The following PARP9 variants were observed in gnomAD, a reference collection of about 807,000 sequenced individuals.
PARP9 encodes poly(ADP-ribose) polymerase family member 9.
In PARP9, 48 loss-of-function variants were observed where a neutral mutation model predicts 68.8. The ratio of observed to expected loss-of-function variants is 0.70; its 90% CI spans 0.55 to 0.89. PARP9 has a LOEUF of 0.89. Among genes scored for constraint, PARP9 ranks in the 40% least tolerant of loss-of-function variants. PARP9 has a pLI of 0.00. For missense variants in PARP9, 806 were observed against 969.3 expected, an observed-to-expected ratio of 0.83 and a Z score of 2.24; for synonymous variants, 309 against 333.8, an observed-to-expected ratio of 0.93 and a Z score of 0.81.
Position 122,555,723 on chromosome 3 carries a change from C to G in PARP9, c.448G>C (p.Ala150Pro). Reference protein sequence around the residue: ...VSAGEIAVTGAGRLPCKQIIH... With the variant: ...VSAGEIAVTGPGRLPCKQIIH... ...ATCTGTTTGCAGGGAAGCCTCCCTG[C>G]TCCCGTGACAGCTATCTCACCAGCT... Residue 150 changes from alanine (A) to proline (P), a missense_variant, in exon 4 of 11, where the codon GCA (alanine) becomes CCA (proline). Physicochemically the swap from Ala to Pro is conservative, Grantham distance 27. Coordinates refer to ENST00000682323, the MANE Select transcript of PARP9 (RefSeq NM_001146105.2). 2 of 1,614,036 alleles carry G rather than the reference C, an allele frequency of 1.2e-6. No homozygotes were observed. The highest frequency in any genetic ancestry group is 1.7e-6 in the Non-Finnish European group (2 of 1,179,994).
intron 10 of PARP9, chr3:122,535,548 T>G: frequency 1.0e-6 from 1 of 985,362 alleles, no homozygotes; most frequent in Non-Finnish European, 1.2e-6. Flanking sequence ...GCCAGAAATC[T>G]TCATTAGTGA....
intron 2 of PARP9, among the ~76,000 whole-genome samples, chr3:122,559,333 T>A (rs1201281762): frequency 1.3e-5 from 2 of 152,224 alleles, no homozygotes; most frequent in African/African-American, 4.8e-5. Context: ...TTACTCTCCT[T>A]ACCCCAACCC....
At position 122,555,945 on chromosome 3, in the gene PARP9, T is replaced by C. The variant is rs139882806; in HGVS notation, c.226A>G (p.Arg76Gly). The C allele has an allele frequency of 5.0e-4, 799 of 1,613,994 alleles. No homozygotes were observed. The highest frequency in any genetic ancestry group is 3.3e-3 in the Middle Eastern group (20 of 6,062). ...TCTATCCTAGGAGTCAGCATTTTTCTGAACACTTGCAGAGATTTGCTGTTG... is the reference window on the plus strand; with the variant it reads ...TCTATCCTAGGAGTCAGCATTTTTCCGAACACTTGCAGAGATTTGCTGTTG... Reference protein sequence around the residue: ...EGNSKSLQVFRKMLTPRIELS... With the variant: ...EGNSKSLQVFGKMLTPRIELS... Residue 76 changes from arginine to glycine, a missense_variant, in exon 4 of 11, where the codon AGA (arginine) becomes GGA (glycine). This residue lies in a region of PARP9 where 126 missense variants were observed against 110.5 expected (regional missense o/e 1.14). Transcript: ENST00000682323.
intron 10 of PARP9, among the ~76,000 whole-genome samples, chr3:122,529,958 A>G (rs1364090403): frequency 6.6e-6 from 1 of 152,072 alleles, no homozygotes; most frequent in Admixed American, 6.6e-5. Context: ...TGGGAGGCCA[A>G]AGTGGGTGGA....
rs2078149679 is a variant in PARP9, at chr3:122,540,846, T to A, written c.1391A>T (p.Gln464Leu). Residue 464 changes from glutamine to leucine, a missense_variant, in exon 8 of 11, where the codon CAG becomes CTG. Physicochemically the swap from Gln to Leu is moderately radical, Grantham distance 113. Coordinates refer to ENST00000682323, the MANE Select transcript of PARP9 (RefSeq NM_001146105.2). Reference sequence around the variant, plus strand: ...TTCTCTTTTCTCCTCTCTGGTTGACTGGGGGACTGAAATGACTATAATAAG... The same window carrying A: ...TTCTCTTTTCTCCTCTCTGGTTGACAGGGGGACTGAAATGACTATAATAAG... Reference protein sequence around the residue: ...MLSLNNYSVPQSTREEKRENG... With the variant: ...MLSLNNYSVPLSTREEKRENG... 6.2e-7 allele frequency: 1 copy of A among 1,611,610 alleles called. No individual in the cohort carries two copies. Among genetic ancestry groups the A allele is most frequent in the Admixed American group, 1.7e-5 (1 of 59,706 alleles).
In PARP9 at chr3:122,545,431, C is replaced by T. The variant is rs752430394; in HGVS notation, c.1384+1G>A. 2 of 1,614,180 alleles carry T rather than the reference C, an allele frequency of 1.2e-6. No homozygotes were observed. The highest frequency in any genetic ancestry group is 1.7e-5 in the Admixed American group (1 of 60,028). ...TATTGGCCTGTGAATTTCTTACTCA[C>T]CACTGTAATTGTTCAAACTCAGCAT... On this transcript the variant is annotated splice_donor_variant, in intron 7 of 10. Transcript: ENST00000682323. LOFTEE classifies it high-confidence loss of function.
At position 122,540,714 on chromosome 3, in the gene PARP9, T is replaced by C; in HGVS notation, c.1523A>G (p.His508Arg). ...WIQRILSLQN[H>R]HIIENNHILY... Reference sequence around the variant, plus strand: ...AATATGATTATTCTCAATGATGTGGTGGTTCTGGAGACTCAGGATTCTTTG... The same window carrying C: ...AATATGATTATTCTCAATGATGTGGCGGTTCTGGAGACTCAGGATTCTTTG... The change falls in exon 8 of 11, where the codon CAC becomes CGC. Residue 508 changes from histidine (H) to arginine (R), a missense_variant. Physicochemically the swap from His to Arg is conservative, Grantham distance 29 (BLOSUM62 0). This residue lies in a region of PARP9 where 680 missense variants were observed against 858.8 expected (regional missense o/e 0.79). Coordinates refer to ENST00000682323, the MANE Select transcript of PARP9 (RefSeq NM_001146105.2). 1 of 1,614,160 alleles carries C rather than the reference T, an allele frequency of 6.2e-7. No homozygotes were observed. The highest frequency in any genetic ancestry group is 8.5e-7 in the Non-Finnish European group (1 of 1,180,042).
chr3:122,539,506 C>CCTTTCTTTCTTTCTTTCTTT (rs1559818279), intron 8 of PARP9, among the ~76,000 whole-genome samples: 13 of 125,906 alleles, frequency 1.0e-4, no homozygotes, highest in African/African-American at 3.9e-4. Flanking sequence ...CCCAAGATGG[C>CCTTTCTTTCTTTCTTTCTTT]ATTTCTTTCT....
At chr3:122,532,471 A>G in intron 10 of PARP9, 1 of 961,076 alleles carries the variant, frequency 1.0e-6, no homozygotes, top group Non-Finnish European at 1.2e-6. Flanking sequence ...TCTTGAAGGG[A>G]CTATGAAAAC....
chr3:122,536,651 C>T, intron 9 of PARP9: 1 of 539,902 alleles, frequency 1.9e-6, no homozygotes, highest in Non-Finnish European at 3.2e-6. Context: ...AATTATAACA[C>T]AGTGTGATAA....
At chr3:122,548,999 T>G (rs557145866) in intron 6 of PARP9, among the ~76,000 whole-genome samples, 23 of 151,620 alleles carry the variant, frequency 1.5e-4, no homozygotes, top group African/African-American at 5.3e-4. Flanking sequence ...ATTCTAAGTG[T>G]TTTACAGGTA....
intron 10 of PARP9, chr3:122,532,551 G>A (rs993363365): frequency 3.7e-5 from 18 of 490,202 alleles, no homozygotes; most frequent in African/African-American, 1.1e-4. Flanking sequence ...CATGGGGAAC[G>A]TGAGAGTTGG....
At chr3:122,557,509 C>A (rs2079801182) in intron 3 of PARP9, among the ~76,000 whole-genome samples, 1 of 152,252 alleles carries the variant, frequency 6.6e-6, no homozygotes, top group Admixed American at 6.5e-5. Flanking sequence ...CTGACAGCCT[C>A]CAGCTGTTAG....
At chr3:122,549,482 T>C (rs539609042) in intron 6 of PARP9, among the ~76,000 whole-genome samples, 116 of 151,990 alleles carry the variant, frequency 7.6e-4, no homozygotes, top group South Asian at 5.6e-3. Context: ...GGAAAACTGA[T>C]TGAGGAGGAG....
In PARP9 at chr3:122,550,808, G is replaced by A; in HGVS notation, c.1108-6C>T. The A allele has an allele frequency of 5.6e-6, 9 of 1,607,580 alleles. No individual in the cohort carries two copies. The highest frequency in any genetic ancestry group is 7.7e-6 in the Non-Finnish European group (9 of 1,174,848). On this transcript the variant is annotated splice_polypyrimidine_tract_variant and splice_region_variant and intron_variant, in intron 5 of 10. Transcript: ENST00000682323. ...TTCATTGCATGTTTTAATATCTGCA[G>A]GAAAACACAAATTTAAGATCAGCAT...
chr3:122,536,138 T>C (rs2077620110), intron 10 of PARP9, 30 bp downstream of exon 10: 2 of 1,613,784 alleles, frequency 1.2e-6, no homozygotes, highest in Non-Finnish European at 1.7e-6. Flanking sequence ...TTCCACAGAG[T>C]AGCCCCAATG....
intron 9 of PARP9, chr3:122,536,677 T>C: frequency 1.8e-6 from 1 of 543,790 alleles, no homozygotes; most frequent in Non-Finnish European, 3.2e-6. Flanking sequence ...ATTCCACTTC[T>C]TTTATTTTGC....
At chr3:122,562,569 G>A (rs1021700405) in intron 1 of PARP9, among the ~76,000 whole-genome samples, 5 of 152,074 alleles carry the variant, frequency 3.3e-5, no homozygotes, top group Non-Finnish European at 4.4e-5. Flanking sequence ...ACATTTACAT[G>A]GTTCAAATTT....
At chr3:122,553,667 T>C (rs2079399016) in intron 4 of PARP9, among the ~76,000 whole-genome samples, 1 of 152,184 alleles carries the variant, frequency 6.6e-6, no homozygotes, top group Admixed American at 6.5e-5. Flanking sequence ...TTATAGGCAA[T>C]AAGTGTTATT....
Sources: allele counts gnomAD v4.1 joint callset (sites outside exome capture counted in the v4.1 genomes callset), GRCh38; gene constraint gnomAD v4.1.1; regional missense constraint gnomAD v4.1.1; transcripts MANE v1.5; gene names NCBI Gene and HGNC (gene_info 2026-07-23, HGNC 2026-07-21).